The following ZRANB3 variants were observed in gnomAD, a reference collection of about 807,000 sequenced individuals.
The protein encoded by ZRANB3 is DNA annealing helicase and endonuclease ZRANB3.
A neutral mutation model predicts 133.8 loss-of-function variants in ZRANB3; 125 were observed. That is an observed-to-expected ratio of 0.93 (90% CI 0.81 to 1.08). The LOEUF (loss-of-function observed/expected upper bound fraction) is 1.08. Ranked by LOEUF, ZRANB3 falls within the 50% of genes least tolerant of loss-of-function variation. The probability of loss-of-function intolerance (pLI) is 0.00; values close to 1 mark genes in which losing one functional copy is unlikely to be tolerated. For missense variants in ZRANB3, 1,229 were observed against 1,275.5 expected (o/e 0.96, Z 0.56); for synonymous variants, 387 against 432.7 (o/e 0.89, Z 1.31).
intron 1 of ZRANB3, among the ~76,000 whole-genome samples, chr2:135,512,650 T>C (rs1377386500): frequency 2.6e-5 from 4 of 151,796 alleles, no homozygotes; most frequent in Middle Eastern, 6.8e-3. Flanking sequence ...AAAAAAGACA[T>C]ATTATACATG....
At chr2:135,316,061 T>C (rs542852832) in intron 6 of ZRANB3, among the ~76,000 whole-genome samples, 1 of 152,292 alleles carries the variant, frequency 6.6e-6, no homozygotes, top group East Asian at 1.9e-4. Context: ...TTCTAACCCT[T>C]TCCTGGATTG....
chr2:135,436,970 CTTTT>C (rs995996642), intron 2 of ZRANB3, among the ~76,000 whole-genome samples: 4 of 152,068 alleles, frequency 2.6e-5, no homozygotes, highest in African/African-American at 9.7e-5. Flanking sequence ...GTGCCATATT[CTTTT>C]TTTGAGACGG....
intron 2 of ZRANB3, among the ~76,000 whole-genome samples, chr2:135,486,599 C>T (rs1301748575): frequency 6.6e-6 from 1 of 152,028 alleles, no homozygotes; most frequent in Non-Finnish European, 1.5e-5. Context: ...ACTGCAACCT[C>T]CACTCCCAGG....
In ZRANB3 at chr2:135,325,905, T is replaced by C. The variant is rs77707985; in HGVS notation, c.678-10375A>G. ...CTAGATCTAAATACGAACATGGAAA[T>C]ACAGAGGACAAAGGAACATGTTAAA... is the stretch of plus-strand genomic sequence containing the variant. On this transcript the variant is annotated intron_variant, in intron 6 of 20. Transcript: ENST00000264159. Among the ~76,000 whole-genome samples the C allele has an allele frequency of 3.0e-3, 450 of 152,146 alleles. 2 individuals are homozygous for C. The highest frequency in any genetic ancestry group is 0.01 in the African/African-American group (419 of 41,488).
At chr2:135,375,615 G>A (rs1486876938) in intron 3 of ZRANB3, among the ~76,000 whole-genome samples, 1 of 152,052 alleles carries the variant, frequency 6.6e-6, no homozygotes, top group Admixed American at 6.6e-5. Context: ...AACCTGGGAG[G>A]CGGAGCTTGC....
chr2:135,411,960 C>T (rs1406530141), intron 2 of ZRANB3, among the ~76,000 whole-genome samples: 1 of 152,130 alleles, frequency 6.6e-6, no homozygotes, highest in Non-Finnish European at 1.5e-5. Context: ...TCTGAATAAA[C>T]TTATACCATA....
chr2:135,441,837 G>C (rs1442084304), intron 2 of ZRANB3, among the ~76,000 whole-genome samples: 1 of 152,068 alleles, frequency 6.6e-6, no homozygotes, highest in Admixed American at 6.6e-5. Context: ...TAAGCAAAAG[G>C]CATTTGTTTT....
At chr2:135,328,436 C>A (rs1158570884) in intron 6 of ZRANB3, among the ~76,000 whole-genome samples, 4 of 152,052 alleles carry the variant, frequency 2.6e-5, no homozygotes, top group African/African-American at 9.7e-5. Context: ...TGTATATGTA[C>A]CACATTTTCT....
At chr2:135,379,390 C>T (rs1052871432) in intron 3 of ZRANB3, among the ~76,000 whole-genome samples, 1 of 152,110 alleles carries the variant, frequency 6.6e-6, no homozygotes, top group African/African-American at 2.4e-5. Context: ...AGAATACTGT[C>T]TCAAAAATAG....
At chr2:135,527,287 C>T (rs1372213682) in intron 1 of ZRANB3, among the ~76,000 whole-genome samples, 3 of 152,132 alleles carry the variant, frequency 2.0e-5, no homozygotes, top group Admixed American at 6.6e-5. Flanking sequence ...TGACCAGGCA[C>T]GGTGGCTCAC....
At chr2:135,443,283 C>G (rs997814568) in intron 2 of ZRANB3, among the ~76,000 whole-genome samples, 1 of 148,694 alleles carries the variant, frequency 6.7e-6, no homozygotes, top group Non-Finnish European at 1.5e-5. Context: ...GACAGAAAAC[C>G]AAACACTGCA....
At chr2:135,456,847 G>A (rs1690540907) in intron 2 of ZRANB3, among the ~76,000 whole-genome samples, 1 of 152,186 alleles carries the variant, frequency 6.6e-6, no homozygotes, top group Admixed American at 6.5e-5. Flanking sequence ...TACCACCTCT[G>A]ACAGCAGAAC....
intron 2 of ZRANB3, among the ~76,000 whole-genome samples, chr2:135,402,199 G>A (rs1687762389): frequency 1.3e-5 from 2 of 151,724 alleles, no homozygotes; most frequent in African/African-American, 2.4e-5. Flanking sequence ...TACGAGGACT[G>A]CTCTAGAGTT....
intron 2 of ZRANB3, among the ~76,000 whole-genome samples, chr2:135,435,957 A>G (rs1043316125): frequency 6.6e-6 from 1 of 151,958 alleles, no homozygotes; most frequent in African/African-American, 2.4e-5. Context: ...CTCTGTTGAC[A>G]GTTTTTTGCT....
chr2:135,478,142 T>A (rs551709896), intron 2 of ZRANB3, among the ~76,000 whole-genome samples: 1 of 152,160 alleles, frequency 6.6e-6, no homozygotes, highest in African/African-American at 2.4e-5. Flanking sequence ...ATTTCGATAG[T>A]GTCTATGCTT....
At chr2:135,483,867 G>A (rs913497428) in intron 2 of ZRANB3, among the ~76,000 whole-genome samples, 3 of 152,130 alleles carry the variant, frequency 2.0e-5, no homozygotes, top group South Asian at 2.1e-4. Flanking sequence ...ATTTTGTTAT[G>A]TACCCAGTAG....
At chr2:135,519,504 C>G (rs1693835651) in intron 1 of ZRANB3, among the ~76,000 whole-genome samples, 1 of 152,140 alleles carries the variant, frequency 6.6e-6, no homozygotes, top group Admixed American at 6.5e-5. Flanking sequence ...GATCATGTAG[C>G]TAACAGCAGA....
chr2:135,292,710 G>C, intron 8 of ZRANB3, among the ~76,000 whole-genome samples: 1 of 152,176 alleles, frequency 6.6e-6, no homozygotes, highest in Non-Finnish European at 1.5e-5. Flanking sequence ...TTTTCTTCTA[G>C]GGGTTTTATG....
intron 6 of ZRANB3, among the ~76,000 whole-genome samples, chr2:135,333,285 G>A (rs1303473619): frequency 9.2e-5 from 14 of 151,544 alleles, no homozygotes; most frequent in Admixed American, 5.9e-4. Context: ...TGCCATCCCC[G>A]AAAGTACAGT....
Sources: gnomAD v4.1 joint callset for allele counts (sites outside exome capture counted in the v4.1 genomes callset) on GRCh38, gnomAD v4.1.1 for gene constraint, MANE v1.5 for transcripts, NCBI Gene and HGNC (gene_info 2026-07-23, HGNC 2026-07-21) for gene names.